The following DOCK4 variants were observed in gnomAD, a reference collection of about 807,000 sequenced individuals.
The protein encoded by DOCK4 is dedicator of cytokinesis protein 4.
A neutral mutation model predicts 268.1 loss-of-function variants in DOCK4; 97 were observed. That is an observed-to-expected ratio of 0.36 (90% CI 0.31 to 0.43). The LOEUF (loss-of-function observed/expected upper bound fraction) is 0.43, where lower values mean the gene tolerates loss of function less well. Among genes scored for constraint, DOCK4 ranks in the 20% least tolerant of loss-of-function variants. The pLI is 1.00. For synonymous variants in DOCK4, 954 were observed against 887.2 expected (o/e 1.08, Z -1.34); for missense variants, 2,145 against 2,455.7 (o/e 0.87, Z 2.67).
At chr7:111,853,781 C>A (rs372585866) in intron 23 of DOCK4, among the ~76,000 whole-genome samples, 118 of 152,286 alleles carry the variant, frequency 7.7e-4, no homozygotes, top group African/African-American at 2.7e-3. Context: ...GTAGTTACGC[C>A]ACCTCCTGGC....
intron 2 of DOCK4, 82 bp from the exon 3 acceptor site, chr7:112,000,616 C>CGAT: frequency 9.3e-7 from 1 of 1,078,430 alleles, no homozygotes; most frequent in Non-Finnish European, 1.3e-6. Context: ...TGTTCTTTGC[C>CGAT]GATGGAATTT....
At chr7:112,094,557 T>C (rs2522220) in intron 1 of DOCK4, among the ~76,000 whole-genome samples, 52,369 of 152,010 alleles carry the variant, frequency 0.34, 9,694 homozygotes, top group East Asian at 0.69. Context: ...TGATGCATAC[T>C]CAGGGATAAG....
intron 1 of DOCK4, among the ~76,000 whole-genome samples, chr7:112,117,988 G>A (rs1225588234): frequency 6.6e-6 from 1 of 152,006 alleles, no homozygotes; most frequent in Non-Finnish European, 1.5e-5. Context: ...AAGAAAGAAT[G>A]GCCTCCTCCT....
At position 111,959,025 on chromosome 7, in the gene DOCK4, CA is replaced by C. The variant is rs572789312; in HGVS notation, c.702-13228del. On this transcript the variant is annotated intron_variant, in intron 8 of 52. Transcript: ENST00000428084. ...GCAAATCTGATTAACTCTGAAGTGA[CA>C]ACACTCCCACATTTCATGCACCTGC... 1.9e-4 allele frequency among the ~76,000 whole-genome samples: 29 copies of C among 152,182 alleles called. No homozygotes were observed. The East Asian group carries it at 5.4e-3, about 28-fold the overall frequency.
chr7:111,926,031 G>A (rs147428907), intron 12 of DOCK4, among the ~76,000 whole-genome samples: 2,025 of 148,946 alleles, frequency 0.014, 141 homozygotes, highest in African/African-American at 0.049. Context: ...GGAGGCGGAG[G>A]TTGTAGTGAG....
At chr7:111,734,828 C>T (rs1795357504) in intron 51 of DOCK4, among the ~76,000 whole-genome samples, 1 of 152,160 alleles carries the variant, frequency 6.6e-6, no homozygotes, top group Non-Finnish European at 1.5e-5. Context: ...GTAAAGAGCA[C>T]TCTATAAAAT....
rs10551859 is a variant in DOCK4 at position 112,162,511 on chromosome 7, TTC to T, written c.37+43589_37+43590del. Among the ~76,000 whole-genome samples, 762 of 140,454 alleles carry T rather than the reference TTC, an allele frequency of 5.4e-3. 4 individuals carry two copies. The highest frequency in any genetic ancestry group is 0.012 in the African/African-American group (481 of 39,296). 92.1% of individuals were successfully genotyped at this position (140,454 alleles called of 152,430 possible). ...AGAGAGTGTCTGTCTGTCTCTTTCT[TTC>T]TCTCTCTCTCTCTCTCTCTCTCTCC... On this transcript the variant is annotated intron_variant, in intron 1 of 52. Transcript: ENST00000428084.
intron 23 of DOCK4, among the ~76,000 whole-genome samples, chr7:111,852,021 T>C (rs1172542614): frequency 4.9e-5 from 7 of 143,180 alleles, no homozygotes; most frequent in Non-Finnish European, 7.5e-5. Context: ...TGGAGTGCAA[T>C]GGCACGATCT....
intron 4 of DOCK4, among the ~76,000 whole-genome samples, chr7:111,994,864 T>C (rs1205008732): frequency 6.6e-6 from 1 of 152,156 alleles, no homozygotes; most frequent in Non-Finnish European, 1.5e-5. Flanking sequence ...TGAATATTCG[T>C]TCCAAAATGT....
chr7:111,886,303 G>A (rs957026442), intron 16 of DOCK4, among the ~76,000 whole-genome samples: 5 of 152,154 alleles, frequency 3.3e-5, no homozygotes, highest in Non-Finnish European at 7.3e-5. Context: ...TTTTCAAAAT[G>A]AGTAGTCATC....
intron 44 of DOCK4, among the ~76,000 whole-genome samples, chr7:111,743,007 AAG>A (rs1022774265): frequency 6.6e-6 from 1 of 152,160 alleles, no homozygotes; most frequent in African/African-American, 2.4e-5. Flanking sequence ...AGAAAAAAAA[AAG>A]AAAAAAGAAA....
intron 1 of DOCK4, among the ~76,000 whole-genome samples, chr7:112,168,098 C>T (rs1436877372): frequency 6.6e-6 from 1 of 151,624 alleles, no homozygotes; most frequent in Non-Finnish European, 1.5e-5. Flanking sequence ...AAATAGTTTC[C>T]CAGTTTGAAA....
intron 46 of DOCK4, 75 bp downstream of exon 46, chr7:111,741,465 T>C (rs1795911221): frequency 6.4e-7 from 1 of 1,563,880 alleles, no homozygotes; most frequent in Non-Finnish European, 8.7e-7. Flanking sequence ...AATTGTGCCA[T>C]AAAGAATGAG....
chr7:111,852,397 A>T (rs1009625929), intron 23 of DOCK4, among the ~76,000 whole-genome samples: 1 of 152,176 alleles, frequency 6.6e-6, no homozygotes, highest in Non-Finnish European at 1.5e-5. Flanking sequence ...CAGAATATTC[A>T]AATCCAAACT....
intron 4 of DOCK4, among the ~76,000 whole-genome samples, chr7:111,995,157 G>C (rs1487493615): frequency 6.6e-6 from 1 of 151,350 alleles, no homozygotes; most frequent in Non-Finnish European, 1.5e-5. Context: ...TTGGCCTCCC[G>C]AGTAGCTGGG....
In DOCK4 at chr7:111,790,329, G is replaced by T. The variant is rs570876150; in HGVS notation, c.3315+128C>A. ...CGGCTGTGTGGCTTGGGAGTGGATA[G>T]GCCAGGCTGGAATCTAGGTCTGCTG... On this transcript the variant is annotated intron_variant, in intron 31 of 52. Coordinates refer to ENST00000428084, the MANE Select transcript of DOCK4 (RefSeq NM_001363540.2). 6 of 1,121,640 alleles carry T rather than the reference G, an allele frequency of 5.3e-6. No homozygotes were observed. In the African/African-American group the frequency reaches 6.2e-5, roughly 12 times the overall value. The allele number at this position is 1,121,640 out of a possible 1,614,324, so 69.5% of individuals were successfully genotyped here. A position where few individuals can be genotyped will look rare whatever the true frequency, so the allele number is the denominator to read the frequency against.
intron 1 of DOCK4, among the ~76,000 whole-genome samples, chr7:112,181,006 C>T (rs1433123699): frequency 2.0e-5 from 3 of 152,120 alleles, no homozygotes; most frequent in Non-Finnish European, 4.4e-5. Context: ...AACTTTTCTT[C>T]TTGAGCAAGT....
At chr7:111,979,157 A>T (rs1183495377) in intron 7 of DOCK4, among the ~76,000 whole-genome samples, 1 of 152,340 alleles carries the variant, frequency 6.6e-6, no homozygotes, top group Non-Finnish European at 1.5e-5. Flanking sequence ...TAAATTTACA[A>T]GTGTTAACAC....
chr7:111,923,349 A>C (rs1479872876), intron 12 of DOCK4, among the ~76,000 whole-genome samples: 3 of 152,152 alleles, frequency 2.0e-5, no homozygotes, highest in Non-Finnish European at 4.4e-5. Flanking sequence ...AAAGAATTCA[A>C]AGTTGGCCAT....
Sources: gnomAD v4.1 joint callset for allele counts (sites outside exome capture counted in the v4.1 genomes callset) on GRCh38, gnomAD v4.1.1 for gene constraint, MANE v1.5 for transcripts, NCBI Gene and HGNC (gene_info 2026-07-23, HGNC 2026-07-21) for gene names.